The following ASIC2 variants were observed in gnomAD, a reference collection of about 807,000 sequenced individuals.
ASIC2 encodes acid-sensing ion channel 2.
ASIC2 carries 25 observed loss-of-function variants against 57.3 expected under a neutral mutation model. The observed-to-expected ratio is 0.44, with a 90% confidence interval of 0.32 to 0.61. ASIC2 has a LOEUF of 0.61. ASIC2 is among the 20% of genes least tolerant of loss of function. ASIC2 has a pLI of 0.06. For synonymous variants in ASIC2, 319 were observed against 307.5 expected (o/e 1.04, Z -0.39); for missense variants, 641 against 738.1 (o/e 0.87, Z 1.52).
intron 1 of ASIC2, among the ~76,000 whole-genome samples, chr17:33,163,659 C>T (rs1191433239): frequency 6.6e-6 from 1 of 152,104 alleles, no homozygotes; most frequent in African/African-American, 2.4e-5. Context: ...CTAGGAGATA[C>T]AGGATTGAAT....
intron 1 of ASIC2, among the ~76,000 whole-genome samples, chr17:33,530,693 A>T (rs1023613479): frequency 6.6e-6 from 1 of 152,184 alleles, no homozygotes; most frequent in African/African-American, 2.4e-5. Context: ...AATACTGATA[A>T]ACAGCTCATA....
chr17:33,646,285 A>G (rs1337782685), intron 1 of ASIC2, among the ~76,000 whole-genome samples: 2 of 152,180 alleles, frequency 1.3e-5, no homozygotes, highest in Non-Finnish European at 2.9e-5. Flanking sequence ...TGTGTATATT[A>G]TGGATTGTGG....
chr17:33,955,432 G>A (rs1463567920), intron 1 of ASIC2: 7 of 152,354 alleles, frequency 4.6e-5, no homozygotes, highest in Admixed American at 2.0e-4. Flanking sequence ...GAGAAAAAAA[G>A]GACTTCCAGC....
chr17:33,063,737 T>A (rs192155861), intron 3 of ASIC2, among the ~76,000 whole-genome samples: 1 of 152,248 alleles, frequency 6.6e-6, no homozygotes, highest in Non-Finnish European at 1.5e-5. Context: ...ATATCCTGGA[T>A]AATATCCTGC....
chr17:33,897,288 C>T (rs66613678), intron 1 of ASIC2, among the ~76,000 whole-genome samples: 24,333 of 152,162 alleles, frequency 0.16, 2,016 homozygotes, highest in African/African-American at 0.21. Flanking sequence ...CAAATGTCCT[C>T]TTGTTGCTCC....
intron 1 of ASIC2, among the ~76,000 whole-genome samples, chr17:33,187,902 G>A (rs1906260289): frequency 8.7e-6 from 1 of 114,930 alleles, no homozygotes; most frequent in Non-Finnish European, 1.8e-5. Context: ...AATGGTCAGG[G>A]ATGAAAAAAA....
In ASIC2 at chr17:33,291,586, C is replaced by A; in HGVS notation, c.530G>T (p.Gly177Val). ...GAACCACTGGCGGCGCGGCTCGTCGCCCCGCAGCAGCTCGCTGACAAGCGG... is the reference window on the plus strand; with the variant it reads ...GAACCACTGGCGGCGCGGCTCGTCGACCCGCAGCAGCTCGCTGACAAGCGG... ...ARPLVSELLR[G>V]DEPRRQWFRK... The change falls in exon 1 of 10, where the codon GGC (glycine) becomes GTC (valine). Residue 177 changes from glycine (G) to valine (V), a missense_variant. Around this residue, in one of 3 missense-constraint regions of ASIC2, gnomAD observed 382 missense variants for 398.0 expected, o/e 0.96. Coordinates refer to ENST00000225823, the MANE Select transcript of ASIC2 (RefSeq NM_183377.2). The A allele has an allele frequency of 6.2e-7, 1 of 1,608,622 alleles. No individual in the cohort carries two copies. The highest frequency in any genetic ancestry group is 1.1e-5 in the South Asian group (1 of 90,924).
chr17:33,974,584 G>T (rs563883083), intron 1 of ASIC2, among the ~76,000 whole-genome samples: 2 of 149,736 alleles, frequency 1.3e-5, no homozygotes, highest in Non-Finnish European at 3.0e-5. Flanking sequence ...ATTGAGTGCT[G>T]TTAGGTGATA....
At chr17:33,508,858 C>T (rs901803654) in intron 1 of ASIC2, among the ~76,000 whole-genome samples, 1 of 152,152 alleles carries the variant, frequency 6.6e-6, no homozygotes, top group African/African-American at 2.4e-5. Flanking sequence ...AAAGCCCTGT[C>T]AATATTTACC....
intron 1 of ASIC2, among the ~76,000 whole-genome samples, chr17:33,558,046 C>T (rs1489760608): frequency 6.6e-6 from 1 of 151,870 alleles, no homozygotes; most frequent in African/African-American, 2.4e-5. Flanking sequence ...CTAAACCCAA[C>T]ATTTGGGCCT....
chr17:33,224,434 C>T (rs77525781), intron 1 of ASIC2, among the ~76,000 whole-genome samples: 6,434 of 152,036 alleles, frequency 0.042, 407 homozygotes, highest in African/African-American at 0.14. Context: ...GGAGTGAGAT[C>T]AAGAGGAGAA....
chr17:33,826,530 C>T (rs534119675), intron 1 of ASIC2, among the ~76,000 whole-genome samples: 4 of 152,254 alleles, frequency 2.6e-5, no homozygotes, highest in South Asian at 2.1e-4. Flanking sequence ...GGAACGTTGG[C>T]GATCACGTAG....
intron 1 of ASIC2, among the ~76,000 whole-genome samples, chr17:33,982,968 G>T (rs1281172117): frequency 6.6e-6 from 1 of 152,214 alleles, no homozygotes; most frequent in East Asian, 1.9e-4. Flanking sequence ...GGTGGAAACA[G>T]CATGGTGCCT....
chr17:33,271,979 G>A (rs1250750089), intron 1 of ASIC2, among the ~76,000 whole-genome samples: 2 of 152,122 alleles, frequency 1.3e-5, no homozygotes, highest in African/African-American at 2.4e-5. Flanking sequence ...AGACATACAG[G>A]CCTTCATTCT....
At chr17:33,275,420 G>T (rs1210283599) in intron 1 of ASIC2, among the ~76,000 whole-genome samples, 1 of 152,174 alleles carries the variant, frequency 6.6e-6, no homozygotes, top group Non-Finnish European at 1.5e-5. Flanking sequence ...GATCCTTCTA[G>T]ACTTCAGTGG....
chr17:33,897,511 T>C (rs1468939321), intron 1 of ASIC2, among the ~76,000 whole-genome samples: 2 of 152,232 alleles, frequency 1.3e-5, no homozygotes, highest in Admixed American at 1.3e-4. Flanking sequence ...AATATATCTT[T>C]ATCCAGATTT....
chr17:33,428,314 C>T (rs1472742), intron 1 of ASIC2, among the ~76,000 whole-genome samples: 29,009 of 152,096 alleles, frequency 0.19, 3,045 homozygotes, highest in Middle Eastern at 0.25. Context: ...GAAGTCTAGG[C>T]GTTGGTATGT....
At chr17:33,681,061 C>A (rs1367070327) in intron 1 of ASIC2, among the ~76,000 whole-genome samples, 1 of 152,174 alleles carries the variant, frequency 6.6e-6, no homozygotes, top group Admixed American at 6.5e-5. Context: ...GCTCAGTGGT[C>A]TCTGGTCCCG....
At chr17:33,330,610 C>G (rs1209122857) in intron 1 of ASIC2, among the ~76,000 whole-genome samples, 3 of 152,190 alleles carry the variant, frequency 2.0e-5, no homozygotes, top group African/African-American at 7.2e-5. Flanking sequence ...GCATTCAGAC[C>G]TGTCTCTACG....
Sources: gnomAD v4.1 joint callset for allele counts (sites outside exome capture counted in the v4.1 genomes callset) on GRCh38, gnomAD v4.1.1 for gene constraint, gnomAD v4.1.1 regional missense constraint, MANE v1.5 for transcripts, NCBI Gene and HGNC (gene_info 2026-07-23, HGNC 2026-07-21) for gene names.